Variants in APOL2 observed in about 807,000 individuals in gnomAD.
APOL2 encodes apolipoprotein L, 2.
In APOL2, 8 loss-of-function variants were observed where a neutral mutation model predicts 7.1. The ratio of observed to expected loss-of-function variants is 1.12; its 90% CI spans 0.66 to 2.03. The LOEUF is 2.03. Ranked by LOEUF, APOL2 falls within the 30% of genes most tolerant of loss-of-function variation. The probability of loss-of-function intolerance (pLI) is 0.00; values close to 1 mark genes in which losing one functional copy is unlikely to be tolerated. For missense variants in APOL2, 471 were observed against 415.1 expected (o/e 1.13, Z -1.17); for synonymous variants, 177 against 159.9 (o/e 1.11, Z -0.81).
In APOL2 at chr22:36,226,624, A is replaced by G. The variant is rs1471620638; in HGVS notation, c.*780T>C. ...TGGAAAGACAGAGCGAGAGACCATC[A>G]CCAGGGAAAGACTTTATTCTTGGAA... On this transcript the variant is annotated 3_prime_UTR_variant, in exon 5 of 5. Coordinates refer to ENST00000358502, the MANE Select transcript of APOL2 (RefSeq NM_030882.4). 1.3e-5 allele frequency: 2 copies of G among 151,558 alleles called. No individual in the cohort carries two copies. The highest frequency in any genetic ancestry group is 4.9e-5 in the African/African-American group (2 of 40,864). 9.4% of individuals were successfully genotyped at this position (151,558 alleles called of 1,614,324 possible). A position where few individuals can be genotyped will look rare whatever the true frequency, so the allele number is the denominator to read the frequency against.
rs564022198 is a variant in APOL2 at position 36,233,096 on chromosome 22, C to T, written c.10+57G>A. ...TGGGGCTCACTCAGCTGTGGAGGTG[C>T]CACCCTCCATTCTAGGTGCGAGTAG... On this transcript the variant is annotated intron_variant, in intron 3 of 4. Coordinates refer to ENST00000358502, the MANE Select transcript of APOL2 (RefSeq NM_030882.4). The T allele has an allele frequency of 3.9e-5, 59 of 1,522,960 alleles. No individual in the cohort carries two copies. In the East Asian group the frequency reaches 1.1e-3, roughly 30 times the overall value. The allele number at this position is 1,522,960 out of a possible 1,614,324, so 94.3% of individuals were successfully genotyped here.
upstream of APOL2, chr22:36,239,551 C>T (rs1292108678): frequency 6.4e-7 from 1 of 1,551,412 alleles, no homozygotes; most frequent in East Asian, 2.3e-5. Context: ...CTCCGGCCTC[C>T]CAGATATACC....
chr22:36,234,472 C>T (rs2015334977), intron 1 of APOL2: 1 of 152,228 alleles, frequency 6.6e-6, no homozygotes, highest in Non-Finnish European at 1.5e-5. Flanking sequence ...GGATTACAAA[C>T]ATGAGCCACG....
In APOL2 at chr22:36,231,360, CA is replaced by C. The variant is rs1459430918; in HGVS notation, c.116del (p.Val39GlyfsTer18). 1.5e-5 allele frequency: 25 copies of C among 1,614,016 alleles called. No homozygotes were observed. In the Admixed American group the frequency reaches 3.0e-4, roughly 19 times the overall value. ...CTTACCTGGGCAGTTCAGCAGCAGC[CA>C]CGAATCCATTCCAGGCTTCATCATC... ...LTDDEAWNGF[V>X]AAAELPRDEA... is the part of the protein sequence containing the mutation. On this transcript the variant is annotated frameshift_variant, in exon 4 of 5. Coordinates refer to ENST00000358502, the MANE Select transcript of APOL2 (RefSeq NM_030882.4). LOFTEE classifies it low-confidence loss of function (END_TRUNC).
chr22:36,234,144 A>G (rs2015324078), intron 1 of APOL2: 1 of 152,234 alleles, frequency 6.6e-6, no homozygotes, highest in Non-Finnish European at 1.5e-5. Context: ...CCCTCACGTA[A>G]AACTGCTCAC....
chr22:36,227,584 G>A lies in APOL2; in HGVS notation c.834C>T (p.Ala278=). ...MSRGTMIVGA[A]TGGILLLLDV... ...CCAGCAGAAGCAAGATGCCTCCAGT[G>A]GCTGCACCCACGATCATGGTTCCTC... is the stretch of plus-strand genomic sequence containing the variant. Residue 278 remains alanine (A), a synonymous_variant, in exon 5 of 5, where the codon GCC becomes GCT. Transcript: ENST00000358502. 1 of 1,614,246 alleles carries A rather than the reference G, an allele frequency of 6.2e-7. No homozygotes were observed. Among genetic ancestry groups the A allele is most frequent in the Non-Finnish European group, 8.5e-7 (1 of 1,180,056 alleles).
intron 1 of APOL2, chr22:36,237,421 A>T: frequency 3.4e-6 from 4 of 1,179,792 alleles, no homozygotes; most frequent in Non-Finnish European, 4.2e-6. Flanking sequence ...TTTTCATTTT[A>T]TTTTTGAGAA....
intron 1 of APOL2, chr22:36,237,099 T>A (rs1044504190): frequency 1.3e-6 from 2 of 1,534,312 alleles, no homozygotes; most frequent in East Asian, 5.1e-5. Flanking sequence ...CAGGATCCCA[T>A]CCTCCTGGGT....
Position 36,227,219 on chromosome 22 carries a change from G to A in APOL2, c.*185C>T, listed in dbSNP as rs182767646. Reference sequence around the variant, plus strand: ...TAGTCCCAGCTACTCGGGAGACTGAGGCCGGAGAATGGTGTGAACCCGGGA... The same window carrying A: ...TAGTCCCAGCTACTCGGGAGACTGAAGCCGGAGAATGGTGTGAACCCGGGA... On this transcript the variant is annotated 3_prime_UTR_variant, in exon 5 of 5. Coordinates refer to ENST00000358502, the MANE Select transcript of APOL2 (RefSeq NM_030882.4). The A allele has an allele frequency of 3.1e-6, 2 of 650,840 alleles. No individual in the cohort carries two copies. Among genetic ancestry groups the A allele is most frequent in the East Asian group, 6.2e-5 (2 of 32,014 alleles). The allele number at this position is 650,840 out of a possible 1,614,324, so 40.3% of individuals were successfully genotyped here.
At chr22:36,230,450 G>A (rs551658191) in intron 4 of APOL2, among the ~76,000 whole-genome samples, 6 of 152,216 alleles carry the variant, frequency 3.9e-5, no homozygotes, top group African/African-American at 1.2e-4. Flanking sequence ...GCAAGTTCAT[G>A]ACCTCCTTAA....
chr22:36,231,595 T>C, intron 3 of APOL2, 129 bp from the exon 4 acceptor site: 6 of 1,177,556 alleles, frequency 5.1e-6, no homozygotes, highest in Non-Finnish European at 7.3e-6. Flanking sequence ...GATGGAGTCA[T>C]CAGTGCTATA....
chr22:36,237,347 G>T, intron 1 of APOL2: 2 of 1,316,626 alleles, frequency 1.5e-6, no homozygotes, highest in Non-Finnish European at 1.9e-6. Flanking sequence ...CCCTCCAAGT[G>T]GTTGTGGGGC....
chr22:36,233,110 AG>A lies in APOL2; in HGVS notation c.10+42del, dbSNP rs758719574. On this transcript the variant is annotated intron_variant, in intron 3 of 4. Coordinates refer to ENST00000358502, the MANE Select transcript of APOL2 (RefSeq NM_030882.4). The stretch of plus-strand genomic sequence containing the variant: ...CTGTGGAGGTGCCACCCTCCATTCT[AG>A]GTGCGAGTAGGAACTAGCCAGGAAA... 8.8e-6 allele frequency: 14 copies of A among 1,589,792 alleles called. No homozygotes were observed. The Middle Eastern group carries it at 6.8e-4, about 77-fold the overall frequency.
chr22:36,229,866 G>A (rs1309620748), intron 4 of APOL2, among the ~76,000 whole-genome samples: 7 of 152,128 alleles, frequency 4.6e-5, no homozygotes, highest in Non-Finnish European at 5.9e-5. Context: ...TACTGGGTGC[G>A]GCCACTGCCC....
chr22:36,234,764 T>C (rs1206497871), intron 1 of APOL2, among the ~76,000 whole-genome samples: 2 of 152,184 alleles, frequency 1.3e-5, no homozygotes, highest in African/African-American at 4.8e-5. Context: ...ATGTTATAAA[T>C]AGTAACTCAC....
chr22:36,229,120 G>T (rs1445235972), intron 4 of APOL2, among the ~76,000 whole-genome samples: 1 of 152,164 alleles, frequency 6.6e-6, no homozygotes, highest in Admixed American at 6.5e-5. Context: ...TCAGTTTAGG[G>T]AGGGTCCTCC....
chr22:36,238,869 G>GA (rs1325865738), intron 1 of APOL2, among the ~76,000 whole-genome samples: 1 of 152,186 alleles, frequency 6.6e-6, no homozygotes, highest in Non-Finnish European at 1.5e-5. Flanking sequence ...CGGGACCCTG[G>GA]CAAGTCATTC....
chr22:36,226,512 T>A lies in APOL2; in HGVS notation c.*892A>T, dbSNP rs1044585954. ...CCTTTAGTAACCTGGAGGGGACCCGTCACATGACAACCACCCCAACCACCA... is the reference window on the plus strand; with the variant it reads ...CCTTTAGTAACCTGGAGGGGACCCGACACATGACAACCACCCCAACCACCA... On this transcript the variant is annotated 3_prime_UTR_variant, in exon 5 of 5. Coordinates refer to ENST00000358502, the MANE Select transcript of APOL2 (RefSeq NM_030882.4). The A allele has an allele frequency of 1.3e-5, 2 of 152,370 alleles. No homozygotes were observed. The highest frequency in any genetic ancestry group is 3.1e-3 in the Middle Eastern group (1 of 320). 9.4% of individuals were successfully genotyped at this position (152,370 alleles called of 1,614,324 possible). A position where few individuals can be genotyped will look rare whatever the true frequency, so the allele number is the denominator to read the frequency against.
intron 1 of APOL2, among the ~76,000 whole-genome samples, chr22:36,238,520 G>C (rs2015489303): frequency 6.6e-6 from 1 of 152,112 alleles, no homozygotes; most frequent in African/African-American, 2.4e-5. Flanking sequence ...ATCTGCCCTT[G>C]TGACTCTGAT....
Sources: gnomAD v4.1 joint callset for allele counts (sites outside exome capture counted in the v4.1 genomes callset) on GRCh38, gnomAD v4.1.1 for gene constraint, MANE v1.5 for transcripts, NCBI Gene and HGNC (gene_info 2026-07-23, HGNC 2026-07-21) for gene names.